Variants in CDK14 observed in about 807,000 individuals in gnomAD.
CDK14 encodes cyclin dependent kinase 14, also known as cyclin-dependent kinase 14.
In CDK14, 34 loss-of-function variants were observed where a neutral mutation model predicts 60.7. The observed-to-expected ratio is 0.56, with a 90% confidence interval of 0.43 to 0.75. The LOEUF is 0.75. CDK14 is among the 30% of genes least tolerant of loss of function. The pLI is 0.00. For synonymous variants in CDK14, 197 were observed against 203.7 expected, an observed-to-expected ratio of 0.97 and a Z score of 0.28; for missense variants, 482 against 564.1, an observed-to-expected ratio of 0.85 and a Z score of 1.47.
intron 2 of CDK14, among the ~76,000 whole-genome samples, chr7:90,651,051 A>G (rs557506544): frequency 1.7e-4 from 26 of 152,254 alleles, no homozygotes; most frequent in African/African-American, 5.1e-4. Context: ...CTTGGGCAGT[A>G]TGGCCATTTT....
intron 2 of CDK14, among the ~76,000 whole-genome samples, chr7:90,666,889 AT>A (rs1047629108): frequency 2.0e-5 from 3 of 152,226 alleles, no homozygotes; most frequent in African/African-American, 7.2e-5. Context: ...TCTTTCAATA[AT>A]TTTTTATTTG....
At chr7:91,002,201 C>T (rs534661933) in intron 10 of CDK14, among the ~76,000 whole-genome samples, 31 of 152,208 alleles carry the variant, frequency 2.0e-4, no homozygotes, top group Non-Finnish European at 3.7e-4. Flanking sequence ...GTAGTATCCC[C>T]CCAACCTCCT....
At chr7:90,963,307 A>C (rs971716689) in intron 9 of CDK14, among the ~76,000 whole-genome samples, 3 of 151,968 alleles carry the variant, frequency 2.0e-5, no homozygotes, top group African/African-American at 7.2e-5. Flanking sequence ...CTATAGTCCC[A>C]CAGGAGGCTG....
At chr7:91,157,885 C>T (rs1346960300) in intron 14 of CDK14, among the ~76,000 whole-genome samples, 1 of 151,920 alleles carries the variant, frequency 6.6e-6, no homozygotes, top group East Asian at 1.9e-4. Flanking sequence ...TGCCGAGTCC[C>T]ACTTTACAAT....
At chr7:90,938,881 A>G in intron 8 of CDK14, among the ~76,000 whole-genome samples, 1 of 152,210 alleles carries the variant, frequency 6.6e-6, no homozygotes, top group South Asian at 2.1e-4. Context: ...ATGCATTGTC[A>G]TCTTTAAAGT....
At chr7:91,114,137 A>G (rs1404853923) in intron 13 of CDK14, among the ~76,000 whole-genome samples, 5 of 152,194 alleles carry the variant, frequency 3.3e-5, no homozygotes, top group African/African-American at 1.2e-4. Context: ...TTTCCCATTT[A>G]GTGTAACTTG....
chr7:91,110,157 A>G (rs1197268238), intron 12 of CDK14, among the ~76,000 whole-genome samples: 1 of 152,158 alleles, frequency 6.6e-6, no homozygotes, highest in Non-Finnish European at 1.5e-5. Flanking sequence ...AAGAGGTTCT[A>G]GTGATGACAA....
intron 4 of CDK14, among the ~76,000 whole-genome samples, chr7:90,764,411 A>G (rs925562386): frequency 1.8e-4 from 27 of 152,236 alleles, no homozygotes; most frequent in Admixed American, 9.2e-4. Context: ...TTAGAGCTCA[A>G]AGCTAACAGG....
intron 4 of CDK14, among the ~76,000 whole-genome samples, chr7:90,786,419 T>C (rs1805584627): frequency 6.6e-6 from 1 of 152,220 alleles, no homozygotes; most frequent in Non-Finnish European, 1.5e-5. Flanking sequence ...AATTTGAATT[T>C]TGTGATTATT....
intron 2 of CDK14, among the ~76,000 whole-genome samples, chr7:90,688,908 T>G (rs906822163): frequency 4.6e-5 from 7 of 152,152 alleles, no homozygotes; most frequent in Admixed American, 2.6e-4. Flanking sequence ...CTCTCTCCTT[T>G]CCTCTCTCCC....
chr7:91,132,797 G>A (rs565423953), intron 14 of CDK14, among the ~76,000 whole-genome samples: 1 of 152,234 alleles, frequency 6.6e-6, no homozygotes, highest in South Asian at 2.1e-4. Context: ...GAAGCCATAT[G>A]GGAGGGCAAA....
intron 2 of CDK14, among the ~76,000 whole-genome samples, chr7:90,717,921 A>G (rs1023925368): frequency 6.6e-6 from 1 of 152,066 alleles, no homozygotes; most frequent in Non-Finnish European, 1.5e-5. Context: ...AGTGCTCAGC[A>G]AAGACGGAGC....
chr7:90,923,912 G>A (rs1186797524), intron 8 of CDK14, among the ~76,000 whole-genome samples: 1 of 152,222 alleles, frequency 6.6e-6, no homozygotes, highest in African/African-American at 2.4e-5. Context: ...TAGCAGCCAT[G>A]ATGAACACAG....
At chr7:90,638,788 C>T (rs1800233791) in intron 2 of CDK14, among the ~76,000 whole-genome samples, 1 of 152,178 alleles carries the variant, frequency 6.6e-6, no homozygotes, top group South Asian at 2.1e-4. Context: ...TAGATTTGGT[C>T]TTTTCACATA....
chr7:90,837,022 A>C (rs1790126302), intron 5 of CDK14, among the ~76,000 whole-genome samples: 2 of 152,232 alleles, frequency 1.3e-5, no homozygotes, highest in South Asian at 4.1e-4. Flanking sequence ...TCTCCTTCTC[A>C]GGAAAATACA....
intron 10 of CDK14, among the ~76,000 whole-genome samples, chr7:91,040,172 A>T (rs1797049235): frequency 6.6e-6 from 1 of 152,204 alleles, no homozygotes. Flanking sequence ...CCCTGTCTGC[A>T]GCACATTCGT....
chr7:90,645,292 C>T (rs987082122), intron 2 of CDK14, among the ~76,000 whole-genome samples: 1 of 151,968 alleles, frequency 6.6e-6, no homozygotes, highest in African/African-American at 2.4e-5. Flanking sequence ...GGACTTTGGG[C>T]CTATGCTTGG....
intron 2 of CDK14, among the ~76,000 whole-genome samples, chr7:90,670,605 A>T (rs78023874): frequency 0.072 from 10,967 of 152,210 alleles, 479 homozygotes; most frequent in East Asian, 0.19. Context: ...GGCAGAAGGC[A>T]AAGTGGGAGC....
Position 90,747,794 on chromosome 7 carries a change from G to A in CDK14, c.464+19G>A. The A allele has an allele frequency of 7.1e-7, 1 of 1,409,214 alleles. No homozygotes were observed. The highest frequency in any genetic ancestry group is 1.5e-5 in the African/African-American group (1 of 67,480). 87.3% of individuals were successfully genotyped at this position (1,409,214 alleles called of 1,614,324 possible). A position where few individuals can be genotyped will look rare whatever the true frequency, so the allele number is the denominator to read the frequency against. On this transcript the variant is annotated intron_variant, in intron 4 of 14. Transcript: ENST00000380050. ...AAAGCAAGTAAGTTCATTATTTTTG[G>A]AATATTTCACATGTACAGTGTATCT...
Sources: allele counts gnomAD v4.1 joint callset (sites outside exome capture counted in the v4.1 genomes callset), GRCh38; gene constraint gnomAD v4.1.1; transcripts MANE v1.5; gene names NCBI Gene and HGNC (gene_info 2026-07-23, HGNC 2026-07-21).